The following DYRK4 variants were observed in gnomAD, a reference collection of about 807,000 sequenced individuals.
DYRK4 encodes the protein dual specificity tyrosine-phosphorylation-regulated kinase 4.
Under a neutral mutation model 68.3 loss-of-function variants are expected in DYRK4, and 64 were observed. The observed-to-expected ratio is 0.94, with a 90% CI of 0.77 to 1.15. The LOEUF is 1.15. Ranked by LOEUF, DYRK4 falls within the 50% of genes most tolerant of loss-of-function variation. The pLI, the probability that DYRK4 is intolerant of heterozygous loss-of-function variation, is 0.00. For synonymous variants in DYRK4, 274 were observed against 289.9 expected, an observed-to-expected ratio of 0.95 and a Z score of 0.56; for missense variants, 740 against 764.7, an observed-to-expected ratio of 0.97 and a Z score of 0.38.
intron 8 of DYRK4, among the ~76,000 whole-genome samples, chr12:4,598,779 CA>C (rs1314086176): frequency 6.6e-6 from 1 of 152,216 alleles, no homozygotes; most frequent in Non-Finnish European, 1.5e-5. Context: ...GCCTGCATAA[CA>C]AAGTGCTTCA....
At chr12:4,604,851 G>A (rs1945122325) in intron 10 of DYRK4, 63 bp from the exon 11 acceptor site, 1 of 1,492,268 alleles carries the variant, frequency 6.7e-7, no homozygotes, top group Non-Finnish European at 9.0e-7. Context: ...GTTGTCCTGG[G>A]GGAGAGCGTT....
intron 2 of DYRK4, among the ~76,000 whole-genome samples, chr12:4,575,890 T>C (rs1356058146): frequency 1.3e-5 from 2 of 152,326 alleles, no homozygotes; most frequent in East Asian, 3.9e-4. Context: ...TAAAGAGCAG[T>C]TTTAGGTTCC....
In DYRK4 at chr12:4,605,061, T is replaced by A; in HGVS notation, c.1274T>A (p.Val425Glu). ...GYPLFPGENE[V>E]EQLACIMEVL... is the part of the protein sequence containing the mutation. Reference sequence around the variant, plus strand: ...CCCCTGTTCCCCGGGGAGAATGAGGTGGAGCAGCTGGCCTGCATCATGGAG... The same window carrying A: ...CCCCTGTTCCCCGGGGAGAATGAGGAGGAGCAGCTGGCCTGCATCATGGAG... Residue 425 changes from valine (V) to glutamate (E), a missense_variant, in exon 11 of 15, where the codon GTG becomes GAG. Physicochemically the swap from Val to Glu is moderately radical, Grantham distance 121. Around this residue, in one of 3 missense-constraint regions of DYRK4, gnomAD observed 614 missense variants for 603.7 expected, o/e 1.02. Coordinates refer to ENST00000543431, the MANE Select transcript of DYRK4 (RefSeq NM_001394779.1). The A allele has an allele frequency of 6.2e-7, 1 of 1,613,576 alleles. No individual in the cohort carries two copies. The highest frequency in any genetic ancestry group is 8.5e-7 in the Non-Finnish European group (1 of 1,179,764).
At position 4,610,225 on chromosome 12, in the gene DYRK4, C is replaced by T. The variant is rs1422718944; in HGVS notation, c.1431C>T (p.Leu477=). The stretch of plus-strand genomic sequence containing the variant: ...AAAGATACCCAGATTCCAAGGACCT[C>T]ACGATGGTGCTGAAAACCTATGACA... The part of the protein sequence containing the change: ...GKKRYPDSKD[L]TMVLKTYDTS... The change falls in exon 13 of 15, where the codon CTC becomes CTT. Residue 477 remains leucine (L), a synonymous_variant. Transcript: ENST00000543431. 1.3e-6 allele frequency: 2 copies of T among 1,599,968 alleles called. No homozygotes were observed. Among genetic ancestry groups the T allele is most frequent in the African/African-American group, 1.3e-5 (1 of 74,134 alleles).
rs190450886 is a variant in DYRK4 at position 4,605,202 on chromosome 12, T to G, written c.1299+116T>G. ...CTGCATACCTTGTTGTTGTTGTTGTTGTTGAGTATTCCCTAAAAGGAGTTT... is the reference window on the plus strand; with the variant it reads ...CTGCATACCTTGTTGTTGTTGTTGTGGTTGAGTATTCCCTAAAAGGAGTTT... On this transcript the variant is annotated intron_variant, in intron 11 of 14. Transcript: ENST00000543431. The G allele has an allele frequency of 2.0e-5, 18 of 890,936 alleles. No individual in the cohort carries two copies. The African/African-American group carries it at 2.9e-4, about 14-fold the overall frequency. The allele number at this position is 890,936 out of a possible 1,614,324, so 55.2% of individuals were successfully genotyped here.
chr12:4,596,381 ATCTTCCCTTTTG>A (rs2137376127), intron 7 of DYRK4, 96 bp downstream of exon 7: 2 of 1,572,610 alleles, frequency 1.3e-6, no homozygotes, highest in East Asian at 2.2e-5. Flanking sequence ...TCTCCCTCCA[ATCTTCCCTTTTG>A]TCTTCCCTTT....
intron 2 of DYRK4, among the ~76,000 whole-genome samples, chr12:4,586,437 A>C (rs1489558739): frequency 1.3e-5 from 2 of 151,994 alleles, no homozygotes; most frequent in Non-Finnish European, 2.9e-5. Context: ...CACTTTCTTC[A>C]AAAAAAATCC....
At chr12:4,573,213 A>G in intron 2 of DYRK4, 3 of 815,812 alleles carry the variant, frequency 3.7e-6, no homozygotes, top group Non-Finnish European at 5.2e-6. Flanking sequence ...GTAAGCAGCC[A>G]ATCTAGAATC....
chr12:4,606,293 G>GATCTAT (rs1555124273), intron 11 of DYRK4, among the ~76,000 whole-genome samples: 27 of 151,034 alleles, frequency 1.8e-4, no homozygotes, highest in African/African-American at 6.3e-4. Flanking sequence ...TGGCTGGCTG[G>GATCTAT]CTATCTATCT....
At chr12:4,570,661 A>T (rs1944722158) in intron 2 of DYRK4, among the ~76,000 whole-genome samples, 1 of 152,270 alleles carries the variant, frequency 6.6e-6, no homozygotes, top group Non-Finnish European at 1.5e-5. Flanking sequence ...TGAGAGGACA[A>T]CTTATTTAAA....
At chr12:4,577,541 T>C (rs1037617514) in intron 2 of DYRK4, among the ~76,000 whole-genome samples, 4 of 152,268 alleles carry the variant, frequency 2.6e-5, no homozygotes, top group African/African-American at 9.6e-5. Flanking sequence ...TGTAGCTTTA[T>C]AGTAAGTCTT....
intron 2 of DYRK4, among the ~76,000 whole-genome samples, chr12:4,572,148 ACT>A (rs1275711759): frequency 2.0e-5 from 3 of 152,118 alleles, no homozygotes; most frequent in African/African-American, 7.2e-5. Flanking sequence ...AATGGTAATG[ACT>A]CACCTTCATT....
In DYRK4 at chr12:4,592,655, C is replaced by T. The variant is rs116158542; in HGVS notation, c.464-347C>T. 1,739 of 174,652 alleles carry T rather than the reference C, an allele frequency of 1.0e-2. 30 individuals carry two copies. Among genetic ancestry groups the T allele is most frequent in the African/African-American group, 0.037 (1,582 of 42,202 alleles). The allele number at this position is 174,652 out of a possible 1,614,324, so 10.8% of individuals were successfully genotyped here. ...ACGGACTAATTATAGCTTAATTCCACGTTAACTTGGGCAACTTGCCACCTA... is the reference window on the plus strand; with the variant it reads ...ACGGACTAATTATAGCTTAATTCCATGTTAACTTGGGCAACTTGCCACCTA... On this transcript the variant is annotated intron_variant, in intron 5 of 14. Coordinates refer to ENST00000543431, the MANE Select transcript of DYRK4 (RefSeq NM_001394779.1).
intron 1 of DYRK4, among the ~76,000 whole-genome samples, chr12:4,563,756 C>A (rs1944651532): frequency 6.6e-6 from 1 of 152,166 alleles, no homozygotes; most frequent in African/African-American, 2.4e-5. Context: ...AAGCTTTTTT[C>A]TACTCAACTT....
intron 2 of DYRK4, among the ~76,000 whole-genome samples, chr12:4,584,275 G>T (rs1323024760): frequency 6.6e-6 from 1 of 152,174 alleles, no homozygotes; most frequent in Non-Finnish European, 1.5e-5. Flanking sequence ...CTGCTCGGTA[G>T]GCACATAGAT....
At chr12:4,569,404 A>G (rs985152257) in intron 2 of DYRK4, among the ~76,000 whole-genome samples, 1 of 152,186 alleles carries the variant, frequency 6.6e-6, no homozygotes, top group African/African-American at 2.4e-5. Flanking sequence ...ATTTTAGCAA[A>G]ATCATCATGA....
intron 13 of DYRK4, among the ~76,000 whole-genome samples, chr12:4,610,793 C>T (rs1945211944): frequency 6.6e-6 from 1 of 152,186 alleles, no homozygotes; most frequent in Non-Finnish European, 1.5e-5. Flanking sequence ...AGCTGTAAAC[C>T]ATTTATTATG....
At chr12:4,612,300 T>G (rs2137414232) in intron 13 of DYRK4, among the ~76,000 whole-genome samples, 1 of 152,370 alleles carries the variant, frequency 6.6e-6, no homozygotes, top group East Asian at 1.9e-4. Flanking sequence ...TTTCTAGGAA[T>G]GCTGGAAGAC....
At chr12:4,583,003 C>A (rs1944859416) in intron 2 of DYRK4, among the ~76,000 whole-genome samples, 1 of 152,172 alleles carries the variant, frequency 6.6e-6, no homozygotes, top group Non-Finnish European at 1.5e-5. Context: ...GGCAGGAAAA[C>A]TGCTTAGGAG....
Sources: allele counts gnomAD v4.1 joint callset (sites outside exome capture counted in the v4.1 genomes callset), GRCh38; gene constraint gnomAD v4.1.1; regional missense constraint gnomAD v4.1.1; transcripts MANE v1.5; gene names NCBI Gene and HGNC (gene_info 2026-07-23, HGNC 2026-07-21).